Variants in TBC1D14 observed in about 807,000 individuals in gnomAD.
The protein encoded by TBC1D14 is TBC1 domain family, member 14.
A neutral mutation model predicts 79.0 loss-of-function variants in TBC1D14; 26 were observed. The observed-to-expected ratio is 0.33, with a 90% CI of 0.24 to 0.46. The LOEUF (loss-of-function observed/expected upper bound fraction) is 0.46. Among genes scored for constraint, TBC1D14 ranks in the 20% least tolerant of loss-of-function variants. The pLI is 1.00. For synonymous variants in TBC1D14, 394 were observed against 349.9 expected, an observed-to-expected ratio of 1.13 and a Z score of -1.40; for missense variants, 769 against 887.6, an observed-to-expected ratio of 0.87 and a Z score of 1.70.
chr4:6,930,882 C>T (rs1711661011), intron 2 of TBC1D14, among the ~76,000 whole-genome samples: 1 of 151,510 alleles, frequency 6.6e-6, no homozygotes. Flanking sequence ...CACACTTACT[C>T]TGGGTCTTCT....
intron 2 of TBC1D14, among the ~76,000 whole-genome samples, chr4:6,951,725 T>A (rs1289713016): frequency 6.6e-6 from 1 of 152,106 alleles, no homozygotes; most frequent in Non-Finnish European, 1.5e-5. Flanking sequence ...GGTGGAATGG[T>A]GGAGGAGAGG....
chr4:6,976,442 G>A (rs956828889), intron 3 of TBC1D14, among the ~76,000 whole-genome samples: 1 of 152,180 alleles, frequency 6.6e-6, no homozygotes, highest in Admixed American at 6.5e-5. Context: ...GAAGAACAAT[G>A]TCATACTTAT....
intron 2 of TBC1D14, among the ~76,000 whole-genome samples, chr4:6,953,174 A>G (rs1714222871): frequency 6.7e-6 from 1 of 149,482 alleles, no homozygotes; most frequent in Non-Finnish European, 1.5e-5. Context: ...ACAGGCACCT[A>G]CCACCATGCC....
At chr4:6,939,945 C>T (rs1348843644) in intron 2 of TBC1D14, among the ~76,000 whole-genome samples, 2 of 152,222 alleles carry the variant, frequency 1.3e-5, no homozygotes, top group African/African-American at 4.8e-5. Flanking sequence ...GCTTTTCAGG[C>T]GTCACGACCT....
intron 2 of TBC1D14, among the ~76,000 whole-genome samples, chr4:6,936,589 A>G (rs1712354940): frequency 6.6e-6 from 1 of 152,228 alleles, no homozygotes; most frequent in South Asian, 2.1e-4. Context: ...TGCCATAATC[A>G]TCTGTGTGAA....
At chr4:6,986,391 C>T (rs889746290) in intron 3 of TBC1D14, among the ~76,000 whole-genome samples, 1 of 152,220 alleles carries the variant, frequency 6.6e-6, no homozygotes, top group Admixed American at 6.5e-5. Context: ...AGAAGCTGCA[C>T]CATTTTACAC....
intron 2 of TBC1D14, among the ~76,000 whole-genome samples, chr4:6,932,927 C>T (rs1308594319): frequency 6.6e-6 from 1 of 152,082 alleles, no homozygotes; most frequent in African/African-American, 2.4e-5. Flanking sequence ...GATGAAACAG[C>T]ATGTTGGCGG....
At position 7,010,757 on chromosome 4, in the gene TBC1D14, G is replaced by GT; in HGVS notation, c.1629dup (p.Arg544Ter). On this transcript the variant is annotated frameshift_variant, in exon 11 of 14. Transcript: ENST00000409757. LOFTEE classifies it high-confidence loss of function. ...TTCTGAATAAACCCTGTCAAATGGCGTTTTTTAGAGTGGACCATGGCCTTG... is the reference window on the plus strand; with the variant it reads ...TTCTGAATAAACCCTGTCAAATGGCGTTTTTTTAGAGTGGACCATGGCCTTG... 6.2e-7 allele frequency: 1 copy of GT among 1,613,722 alleles called. No individual in the cohort carries two copies.
chr4:6,978,082 C>T (rs1355785579), intron 3 of TBC1D14, among the ~76,000 whole-genome samples: 178 of 150,324 alleles, frequency 1.2e-3, no homozygotes, highest in Middle Eastern at 6.9e-3. Context: ...GGGTCAGCCC[C>T]CCGCCTGGCC....
chr4:7,005,058 GT>G (rs1220880530), intron 8 of TBC1D14, 134 bp downstream of exon 8: 57 of 815,586 alleles, frequency 7.0e-5, no homozygotes, highest in Admixed American at 3.7e-4. Flanking sequence ...CGAGAAAAGG[GT>G]TTTTTTTGTT....
chr4:7,011,613 A>G (rs547549310), intron 11 of TBC1D14, among the ~76,000 whole-genome samples: 12 of 151,720 alleles, frequency 7.9e-5, no homozygotes, highest in Admixed American at 1.3e-4. Context: ...CTGGAGTGCA[A>G]TGGTGCCATC....
chr4:6,910,127 G>C (rs888129092), intron 1 of TBC1D14, 176 bp downstream of exon 1: 8 of 151,026 alleles, frequency 5.3e-5, no homozygotes, highest in African/African-American at 1.9e-4. Flanking sequence ...CTGCACGCCA[G>C]GGCAGCGCGT....
intron 3 of TBC1D14, among the ~76,000 whole-genome samples, chr4:6,981,730 G>C (rs1234823148): frequency 6.6e-6 from 1 of 152,196 alleles, no homozygotes; most frequent in African/African-American, 2.4e-5. Flanking sequence ...TTTGAAAATC[G>C]ATCAGTGTCA....
chr4:6,978,204 G>C (rs1577112219), intron 3 of TBC1D14, among the ~76,000 whole-genome samples: 1 of 151,812 alleles, frequency 6.6e-6, no homozygotes, highest in Non-Finnish European at 1.5e-5. Context: ...GAAGTGAGGA[G>C]CCCCTCTGCC....
intron 1 of TBC1D14, among the ~76,000 whole-genome samples, chr4:6,920,800 CAG>C (rs1248646444): frequency 1.3e-5 from 2 of 151,990 alleles, no homozygotes; most frequent in East Asian, 3.9e-4. Context: ...TACTTTGAGA[CAG>C]AGTTTTGCTC....
intron 8 of TBC1D14, among the ~76,000 whole-genome samples, chr4:7,005,460 G>A (rs755895825): frequency 3.3e-5 from 5 of 152,022 alleles, no homozygotes; most frequent in Admixed American, 1.3e-4. Flanking sequence ...ACTTGAACCC[G>A]GGAGGTGGAG....
At chr4:7,010,535 G>C in intron 10 of TBC1D14, 118 bp from the exon 11 acceptor site, 1 of 1,267,228 alleles carries the variant, frequency 7.9e-7, no homozygotes, top group Non-Finnish European at 1.1e-6. Flanking sequence ...GGAGGAGTGG[G>C]GCGGCTCTAG....
chr4:6,953,858 C>T (rs1056076921), intron 2 of TBC1D14, among the ~76,000 whole-genome samples: 2 of 150,276 alleles, frequency 1.3e-5, no homozygotes, highest in Non-Finnish European at 2.9e-5. Flanking sequence ...ACACTGCAGA[C>T]GCTCAGGAAG....
chr4:6,954,198 T>C (rs1714393466), intron 2 of TBC1D14: 1 of 695,986 alleles, frequency 1.4e-6, no homozygotes, highest in Non-Finnish European at 2.7e-6. Flanking sequence ...AGTGCACCCA[T>C]GGAGTTTCCC....
Sources: gnomAD v4.1 joint callset for allele counts (sites outside exome capture counted in the v4.1 genomes callset) on GRCh38, gnomAD v4.1.1 for gene constraint, MANE v1.5 for transcripts, NCBI Gene and HGNC (gene_info 2026-07-23, HGNC 2026-07-21) for gene names.